The following JUP variants were observed in gnomAD, a reference collection of about 807,000 sequenced individuals.
The protein encoded by JUP is catenin (cadherin-associated protein), gamma 80kDa.
In JUP, 28 loss-of-function variants were observed where a neutral mutation model predicts 71.1. That is an observed-to-expected ratio of 0.39 (90% CI 0.29 to 0.54). The LOEUF (loss-of-function observed/expected upper bound fraction) is 0.54, where lower values mean the gene tolerates loss of function less well. JUP is among the 20% of genes least tolerant of loss of function. JUP has a pLI of 0.62. For missense variants in JUP, 869 were observed against 1,030.1 expected (o/e 0.84, Z 2.14); for synonymous variants, 401 against 438.9 (o/e 0.91, Z 1.08).
chr17:41,767,595 A>AG lies in JUP; in HGVS notation c.708-16dup. ...CCACAGGGGAGCTGGGGGGGTGGGC[A>AG]GGGGTTAGTACGCTGAGGTCCCAGA... On this transcript the variant is annotated splice_polypyrimidine_tract_variant and intron_variant, in intron 4 of 13. Transcript: ENST00000393931. 1.1e-6 allele frequency: 1 copy of AG among 939,174 alleles called. No individual in the cohort carries two copies. Among genetic ancestry groups the AG allele is most frequent in the Non-Finnish European group, 1.7e-6 (1 of 602,450 alleles). 58.2% of individuals were successfully genotyped at this position (939,174 alleles called of 1,614,324 possible).
rs1916677301 is a variant in JUP, at chr17:41,771,722, C to T, written c.133G>A (p.Glu45Lys). The change falls in exon 2 of 14, where the codon GAG becomes AAG. Residue 45 changes from glutamate (E) to lysine (K), a missense_variant. Coordinates refer to ENST00000393931, the MANE Select transcript of JUP (RefSeq NM_002230.4). ...PSVSSKGIMEEDEACGRQYTL... is the reference protein window; with the variant it reads ...PSVSSKGIMEKDEACGRQYTL... ...TACTGGCGCCCGCAGGCCTCATCCT[C>T]CTCCATGATGCCCTTGCTGCTGACG... is the stretch of plus-strand genomic sequence containing the variant. 6.2e-7 allele frequency: 1 copy of T among 1,614,048 alleles called. No homozygotes were observed. Among genetic ancestry groups the T allele is most frequent in the African/African-American group, 1.3e-5 (1 of 74,926 alleles).
At chr17:41,766,928 T>A (rs1915813643) in intron 5 of JUP, among the ~76,000 whole-genome samples, 3 of 150,794 alleles carry the variant, frequency 2.0e-5, no homozygotes, top group Admixed American at 2.0e-4. Flanking sequence ...ACGCCTGAAG[T>A]CCCAGCTACT....
At position 41,773,604 on chromosome 17, in the gene JUP, C is replaced by T. The variant is rs551101947; in HGVS notation, c.-8-1742G>A. Among the ~76,000 whole-genome samples, 817 of 152,330 alleles carry T rather than the reference C, an allele frequency of 5.4e-3. 5 individuals carry two copies. Among genetic ancestry groups the T allele is most frequent in the Non-Finnish European group, 8.4e-3 (573 of 68,030 alleles). On this transcript the variant is annotated intron_variant, in intron 1 of 13. Coordinates refer to ENST00000393931, the MANE Select transcript of JUP (RefSeq NM_002230.4). ...CAGAAGGAGCCCCCCCAACCAGCCC[C>T]CTTTCCACACGCACCCCTTCCCCAC... is the stretch of plus-strand genomic sequence containing the variant.
rs397517297 is a variant in JUP at position 41,758,461 on chromosome 17, C to T, written c.1711G>A (p.Ala571Thr). 6 of 1,614,054 alleles carry T rather than the reference C, an allele frequency of 3.7e-6. No individual in the cohort carries two copies. The highest frequency in any genetic ancestry group is 2.2e-5 in the East Asian group (1 of 44,884). ...TCCATGCGGTTCATGGGGTCCCGGGCGAGGATGTGCAGTGCTCCGGTGCAG... is the reference window on the plus strand; with the variant it reads ...TCCATGCGGTTCATGGGGTCCCGGGTGAGGATGTGCAGTGCTCCGGTGCAG... ...EGCTGALHIL[A>T]RDPMNRMEIF... Residue 571 changes from alanine to threonine, a missense_variant, in exon 10 of 14, where the codon GCC (alanine) becomes ACC (threonine). Ala to Thr is a moderately conservative substitution (Grantham distance 58, BLOSUM62 0). Coordinates refer to ENST00000393931, the MANE Select transcript of JUP (RefSeq NM_002230.4).
chr17:41,756,352 C>T (rs946279071), intron 12 of JUP, 138 bp from the exon 13 acceptor site: 5 of 810,602 alleles, frequency 6.2e-6, no homozygotes, highest in Admixed American at 2.0e-5. Context: ...GTAATCCCAG[C>T]ACTCTGGGAG....
chr17:41,769,005 T>C lies in JUP; in HGVS notation c.671A>G (p.Lys224Arg). Residue 224 changes from lysine (K) to arginine (R), a missense_variant, in exon 4 of 14, where the codon AAG (lysine) becomes AGG (arginine). By Grantham distance (26) the Lys-to-Arg change is conservative. Coordinates refer to ENST00000393931, the MANE Select transcript of JUP (RefSeq NM_002230.4). ...HHREGLLAIFKSGGIPALVRM... is the reference protein window; with the variant it reads ...HHREGLLAIFRSGGIPALVRM... ...GACCAGAGCAGGGATGCCACCCGACTTGAAGATGGCGAGCAGCCCCTCCCG... is the reference window on the plus strand; with the variant it reads ...GACCAGAGCAGGGATGCCACCCGACCTGAAGATGGCGAGCAGCCCCTCCCG... The C allele has an allele frequency of 6.2e-7, 1 of 1,610,076 alleles. No individual in the cohort carries two copies. Among genetic ancestry groups the C allele is most frequent in the Non-Finnish European group, 8.5e-7 (1 of 1,178,518 alleles).
chr17:41,755,768 G>A lies in JUP; in HGVS notation c.2214C>T (p.Pro738=), dbSNP rs781848758. ...TYSDGLRPPY[P]TADHMLA ...CCTAGGCCAGCATGTGGTCTGCAGT[G>A]GGGTACGGGGGCCTGAGGCCGTCGC... is the stretch of plus-strand genomic sequence containing the variant. The change falls in exon 14 of 14, where the codon CCC becomes CCT. Residue 738 remains proline, a synonymous_variant. Coordinates refer to ENST00000393931, the MANE Select transcript of JUP (RefSeq NM_002230.4). 32 of 1,606,604 alleles carry A rather than the reference G, an allele frequency of 2.0e-5. No individual in the cohort carries two copies. The highest frequency in any genetic ancestry group is 1.2e-4 in the Admixed American group (7 of 59,508).
chr17:41,758,971 C>G (rs1307001474), intron 8 of JUP, 101 bp from the exon 9 acceptor site: 19 of 1,254,242 alleles, frequency 1.5e-5, no homozygotes, highest in Non-Finnish European at 1.8e-5. Flanking sequence ...CCTCTTCTGT[C>G]CCCGAGGCCA....
intron 8 of JUP, among the ~76,000 whole-genome samples, chr17:41,761,018 A>G (rs781926708): frequency 6.6e-6 from 1 of 152,060 alleles, no homozygotes; most frequent in Non-Finnish European, 1.5e-5. Flanking sequence ...CTACATATAG[A>G]TATACACACA....
rs368989495 is a variant in JUP, at chr17:41,784,236, C to T, written c.-9+2352G>A. ...CGACCTTTTTCGTTCCTATGCACTG[C>T]ATTCTCAAAGCCTCGGCCCTGGCAG... On this transcript the variant is annotated intron_variant, in intron 1 of 13. Coordinates refer to ENST00000393931, the MANE Select transcript of JUP (RefSeq NM_002230.4). Among the ~76,000 whole-genome samples, 854 of 151,092 alleles carry T rather than the reference C, an allele frequency of 5.7e-3. 6 individuals carry two copies. The highest frequency in any genetic ancestry group is 0.034 in the Middle Eastern group (10 of 294).
chr17:41,774,799 G>A lies in JUP; in HGVS notation c.-8-2937C>T, dbSNP rs1222899432. On this transcript the variant is annotated intron_variant, in intron 1 of 13. Transcript: ENST00000393931. ...GCTTGCAGATGGAAGCAGAGCACTC[G>A]GCTGCAAATCAAGTGTCCCAGGTTC... Among the ~76,000 whole-genome samples, 9 of 152,032 alleles carry A rather than the reference G, an allele frequency of 5.9e-5. 1 individual carries two copies. The highest frequency in any genetic ancestry group is 2.1e-4 in the South Asian group (1 of 4,822).
intron 12 of JUP, 143 bp downstream of exon 12, chr17:41,757,272 T>A (rs977398291): frequency 9.2e-6 from 9 of 977,020 alleles, no homozygotes; most frequent in Non-Finnish European, 1.4e-5. Flanking sequence ...ACTACTTCCA[T>A]CTGCTAGGAA....
intron 3 of JUP, 46 bp from the exon 4 acceptor site, chr17:41,769,253 C>T (rs1916198928): frequency 6.3e-7 from 1 of 1,580,906 alleles, no homozygotes; most frequent in African/African-American, 1.3e-5. Flanking sequence ...TAAGGAGAGG[C>T]CGGGATACCC....
In JUP at chr17:41,771,656, G is replaced by A; in HGVS notation, c.199C>T (p.Pro67Ser). ...KTTTYTQGVP[P>S]SQGDLEYQMS... ...CCCCAGGGGTCCTGACCTTGGCTGGGGGGCACCCCCTGGGTGTAAGTGGTG... is the reference window on the plus strand; with the variant it reads ...CCCCAGGGGTCCTGACCTTGGCTGGAGGGCACCCCCTGGGTGTAAGTGGTG... The change falls in exon 2 of 14, where the codon CCC becomes TCC. Residue 67 changes from proline (P) to serine (S), a missense_variant. Physicochemically the swap from Pro to Ser is moderately conservative, Grantham distance 74 (BLOSUM62 -1). Transcript: ENST00000393931. 1 of 1,613,222 alleles carries A rather than the reference G, an allele frequency of 6.2e-7. No homozygotes were observed.
chr17:41,765,223 T>TGG (rs1392472439), intron 5 of JUP, among the ~76,000 whole-genome samples, 156 bp from the exon 6 acceptor site: 1 of 152,142 alleles, frequency 6.6e-6, no homozygotes, highest in East Asian at 1.9e-4. Context: ...TTTATAAAGA[T>TGG]GGGGGTCTCA....
intron 8 of JUP, among the ~76,000 whole-genome samples, chr17:41,760,960 A>C (rs1555600878): frequency 6.6e-6 from 1 of 151,654 alleles, no homozygotes; most frequent in African/African-American, 2.4e-5. Context: ...TAGCTTCCTC[A>C]CTCTCTGGCA....
intron 1 of JUP, among the ~76,000 whole-genome samples, chr17:41,775,153 A>T (rs1450469841): frequency 6.6e-6 from 1 of 152,030 alleles, no homozygotes; most frequent in Admixed American, 6.6e-5. Context: ...CTCTGCCACA[A>T]ACTTGCTGGG....
In JUP at chr17:41,755,299, C is replaced by T. The variant is rs1479832769; in HGVS notation, c.*445G>A. On this transcript the variant is annotated 3_prime_UTR_variant, in exon 14 of 14. Coordinates refer to ENST00000393931, the MANE Select transcript of JUP (RefSeq NM_002230.4). ...GAAAAGCAGGAGCAGAACACTATCC[C>T]AAGAAAGACCCTACGGAGGACCTCT... The T allele has an allele frequency of 5.0e-6, 2 of 400,528 alleles. No individual in the cohort carries two copies. The highest frequency in any genetic ancestry group is 4.4e-5 in the Admixed American group (1 of 22,944). 24.8% of individuals were successfully genotyped at this position (400,528 alleles called of 1,614,324 possible). A position where few individuals can be genotyped will look rare whatever the true frequency, so the allele number is the denominator to read the frequency against.
intron 1 of JUP, chr17:41,772,756 G>T: frequency 1.0e-6 from 1 of 967,870 alleles, no homozygotes. Flanking sequence ...GGGTGGGGCA[G>T]GCCTGTGGGT....
Sources: gnomAD v4.1 joint callset for allele counts (sites outside exome capture counted in the v4.1 genomes callset) on GRCh38, gnomAD v4.1.1 for gene constraint, MANE v1.5 for transcripts, NCBI Gene and HGNC (gene_info 2026-07-23, HGNC 2026-07-21) for gene names.